The following VPS37C variants were observed in gnomAD, a reference collection of about 807,000 sequenced individuals.
VPS37C encodes the protein vacuolar protein sorting-associated protein 37C.
In VPS37C, 9 loss-of-function variants were observed where a neutral mutation model predicts 16.1. That is an observed-to-expected ratio of 0.56 (90% CI 0.34 to 0.97). The LOEUF (loss-of-function observed/expected upper bound fraction) is 0.97. Among genes scored for constraint, VPS37C ranks in the 50% least tolerant of loss-of-function variants. The pLI is 0.02. For missense variants in VPS37C, 479 were observed against 472.7 expected (o/e 1.01, Z -0.12); for synonymous variants, 207 against 206.4 (o/e 1.00, Z -0.02).
intron 1 of VPS37C, among the ~76,000 whole-genome samples, chr11:61,154,002 T>C (rs781148983): frequency 6.6e-6 from 1 of 152,198 alleles, no homozygotes; most frequent in African/African-American, 2.4e-5. Flanking sequence ...GCCTTGGTAG[T>C]GAGGAAAAAT....
Position 61,130,635 on chromosome 11 carries a change from C to A in VPS37C, c.*1185G>T, listed in dbSNP as rs1271000149. The A allele has an allele frequency of 3.4e-6, 1 of 295,848 alleles. No individual in the cohort carries two copies. Among genetic ancestry groups the A allele is most frequent in the Non-Finnish European group, 6.4e-6 (1 of 156,868 alleles). The allele number at this position is 295,848 out of a possible 1,614,324, so 18.3% of individuals were successfully genotyped here. A position where few individuals can be genotyped will look rare whatever the true frequency, so the allele number is the denominator to read the frequency against. On this transcript the variant is annotated 3_prime_UTR_variant, in exon 5 of 5. Coordinates refer to ENST00000301765, the MANE Select transcript of VPS37C (RefSeq NM_017966.5). The stretch of plus-strand genomic sequence containing the variant: ...AACCAAGTTAACACTCATCACACCC[C>A]CTTTGTCTATTGTATTCATTCTTAT...
chr11:61,145,868 GC>G (rs1181374487), intron 1 of VPS37C, among the ~76,000 whole-genome samples: 1 of 152,210 alleles, frequency 6.6e-6, no homozygotes, highest in African/African-American at 2.4e-5. Context: ...AACTACCTGG[GC>G]CCCTCAGTAC....
chr11:61,158,686 G>A (rs1430435011), intron 1 of VPS37C, among the ~76,000 whole-genome samples: 1 of 152,308 alleles, frequency 6.6e-6, no homozygotes. Flanking sequence ...TGAGCTATCT[G>A]TTTGAGGTTC....
intron 1 of VPS37C, among the ~76,000 whole-genome samples, chr11:61,159,391 C>T (rs1853427567): frequency 6.6e-6 from 1 of 152,168 alleles, no homozygotes; most frequent in South Asian, 2.1e-4. Context: ...TTTTAACAAG[C>T]ATCAGAAATT....
chr11:61,134,138 C>G lies in VPS37C; in HGVS notation c.163G>C (p.Glu55Gln). The change falls in exon 3 of 5, where the codon GAG becomes CAG. Residue 55 changes from glutamate (E) to glutamine (Q), a missense_variant. Glu to Gln is a conservative substitution (Grantham distance 29). Coordinates refer to ENST00000301765, the MANE Select transcript of VPS37C (RefSeq NM_017966.5). ...CTGATCTCCAGGGGACCCTGGAACTCCAAGTTCCGCTCTGCCAGGCTCCGG... is the reference window on the plus strand; with the variant it reads ...CTGATCTCCAGGGGACCCTGGAACTGCAAGTTCCGCTCTGCCAGGCTCCGG... ...TNRSLAERNL[E>Q]FQGPLEISRS... is the part of the protein sequence containing the mutation. The G allele has an allele frequency of 6.2e-7, 1 of 1,614,060 alleles. No individual in the cohort carries two copies. The highest frequency in any genetic ancestry group is 8.5e-7 in the Non-Finnish European group (1 of 1,180,006).
chr11:61,147,998 C>A (rs1463149320), intron 1 of VPS37C, among the ~76,000 whole-genome samples: 2 of 152,220 alleles, frequency 1.3e-5, no homozygotes, highest in Non-Finnish European at 2.9e-5. Context: ...TGATGATAAT[C>A]CCACCTTAGG....
chr11:61,152,212 C>T (rs1227932075), intron 1 of VPS37C, among the ~76,000 whole-genome samples: 1 of 152,180 alleles, frequency 6.6e-6, no homozygotes, highest in East Asian at 1.9e-4. Flanking sequence ...TTTGGCCATC[C>T]TACGCTGACA....
chr11:61,146,332 C>T (rs960179216), intron 1 of VPS37C, among the ~76,000 whole-genome samples: 4 of 152,242 alleles, frequency 2.6e-5, no homozygotes, highest in Admixed American at 1.3e-4. Flanking sequence ...CCAGACATGG[C>T]ATTCACAGGT....
At chr11:61,149,773 A>G (rs1213597725) in intron 1 of VPS37C, among the ~76,000 whole-genome samples, 1 of 152,172 alleles carries the variant, frequency 6.6e-6, no homozygotes, top group Non-Finnish European at 1.5e-5. Flanking sequence ...ATATTTACAT[A>G]ACAACTGAAT....
chr11:61,145,714 G>A (rs961695660), intron 1 of VPS37C, among the ~76,000 whole-genome samples: 15 of 152,326 alleles, frequency 9.8e-5, no homozygotes, highest in East Asian at 1.9e-4. Flanking sequence ...ATCACCCAAC[G>A]CAAGGGACAA....
chr11:61,135,063 T>TC (rs1861342381), intron 2 of VPS37C, among the ~76,000 whole-genome samples: 4 of 152,172 alleles, frequency 2.6e-5, no homozygotes, highest in Admixed American at 2.6e-4. Flanking sequence ...AAGAGAGGCC[T>TC]CGGCACCCGC....
At chr11:61,152,204 T>C (rs537543046) in intron 1 of VPS37C, among the ~76,000 whole-genome samples, 2 of 152,206 alleles carry the variant, frequency 1.3e-5, no homozygotes, top group Non-Finnish European at 2.9e-5. Context: ...CACTGAGGTT[T>C]GGCCATCCTA....
In VPS37C at chr11:61,132,221, G is replaced by C; in HGVS notation, c.667C>G (p.Leu223Val). The change falls in exon 5 of 5, where the codon CTG becomes GTG. Residue 223 changes from leucine to valine, a missense_variant. By Grantham distance (32) the Leu-to-Val change is conservative (BLOSUM62 1). Transcript: ENST00000301765. ...ACTACTGGGAAAGGGGCCGGTGGCA[G>C]GGCTCCATGGGCAGTGGGGCCCACA... ...LPVGPTAHGA[L>V]PPAPFPVVSQ... The C allele has an allele frequency of 1.3e-6, 2 of 1,508,428 alleles. No individual in the cohort carries two copies. The highest frequency in any genetic ancestry group is 1.8e-6 in the Non-Finnish European group (2 of 1,128,648). The allele number at this position is 1,508,428 out of a possible 1,614,324, so 93.4% of individuals were successfully genotyped here.
chr11:61,150,386 C>T (rs1463023051), intron 1 of VPS37C, among the ~76,000 whole-genome samples: 1 of 152,094 alleles, frequency 6.6e-6, no homozygotes. Context: ...TGCTGCTTCC[C>T]TAAGGCTGGC....
chr11:61,135,438 C>T (rs943546638), intron 2 of VPS37C, among the ~76,000 whole-genome samples: 2 of 152,234 alleles, frequency 1.3e-5, no homozygotes, highest in Non-Finnish European at 2.9e-5. Flanking sequence ...CTAGAGCCCA[C>T]GCTGCTGCCT....
At position 61,131,834 on chromosome 11, in the gene VPS37C, A is replaced by G; in HGVS notation, c.1054T>C (p.Trp352Arg). 1 of 1,242,124 alleles carries G rather than the reference A, an allele frequency of 8.1e-7. No homozygotes were observed. Among genetic ancestry groups the G allele is most frequent in the Non-Finnish European group, 1.0e-6 (1 of 988,934 alleles). The allele number at this position is 1,242,124 out of a possible 1,614,324, so 76.9% of individuals were successfully genotyped here. Residue 352 changes from tryptophan to arginine, a missense_variant, in exon 5 of 5, where the codon TGG becomes CGG. Physicochemically the swap from Trp to Arg is moderately radical, Grantham distance 101. Transcript: ENST00000301765. The stretch of plus-strand genomic sequence containing the variant: ...CAGGAGTGTGTCTAATACCCAGGCC[A>G]GGCAGGCCCCGGCGGTGGTGGGAAC... ...YGFPPPPGPA[W>R]PGY
chr11:61,151,138 G>A (rs186031863), intron 1 of VPS37C, among the ~76,000 whole-genome samples: 38 of 152,288 alleles, frequency 2.5e-4, no homozygotes, highest in African/African-American at 8.2e-4. Flanking sequence ...CACTGTGCTC[G>A]GCTGCCTCGA....
intron 1 of VPS37C, among the ~76,000 whole-genome samples, chr11:61,154,563 A>T (rs1407742388): frequency 1.3e-5 from 2 of 152,200 alleles, no homozygotes; most frequent in African/African-American, 2.4e-5. Flanking sequence ...GGGAAAAATG[A>T]ATGATCAGAG....
intron 1 of VPS37C, among the ~76,000 whole-genome samples, chr11:61,155,121 C>T (rs113659852): frequency 0.1 from 13,508 of 130,874 alleles, 646 homozygotes; most frequent in Non-Finnish European, 0.12. Flanking sequence ...AAAAAAAAGG[C>T]GGGGGGACAG....
Sources: gnomAD v4.1 joint callset for allele counts (sites outside exome capture counted in the v4.1 genomes callset) on GRCh38, gnomAD v4.1.1 for gene constraint, MANE v1.5 for transcripts, NCBI Gene and HGNC (gene_info 2026-07-23, HGNC 2026-07-21) for gene names.